Variants in CCDC148 observed in about 807,000 individuals in gnomAD.
CCDC148 encodes coiled-coil domain-containing protein 148.
In CCDC148, 89 loss-of-function variants were observed where a neutral mutation model predicts 85.7. The ratio of observed to expected loss-of-function variants is 1.04; its 90% confidence interval spans 0.87 to 1.24. The LOEUF is 1.24. Ranked by LOEUF, CCDC148 falls within the 50% of genes most tolerant of loss-of-function variation. The probability of loss-of-function intolerance (pLI) is 0.00; values close to 1 mark genes in which losing one functional copy is unlikely to be tolerated. For synonymous variants in CCDC148, 230 were observed against 213.9 expected (o/e 1.08, Z -0.66); for missense variants, 692 against 671.7 (o/e 1.03, Z -0.33).
intron 1 of CCDC148, among the ~76,000 whole-genome samples, chr2:158,422,903 A>G (rs989835749): frequency 1.3e-5 from 2 of 151,916 alleles, no homozygotes; most frequent in Non-Finnish European, 2.9e-5. Flanking sequence ...ATACAAAATC[A>G]ATGTGCAAAA....
At chr2:158,191,030 T>C (rs940515149) in intron 11 of CCDC148, among the ~76,000 whole-genome samples, 3 of 152,042 alleles carry the variant, frequency 2.0e-5, no homozygotes, top group African/African-American at 7.2e-5. Context: ...CTATCTATTT[T>C]TAACTTCGGC....
intron 3 of CCDC148, 88 bp from the exon 4 acceptor site, chr2:158,340,768 T>C: frequency 1.3e-6 from 1 of 765,784 alleles, no homozygotes; most frequent in South Asian, 1.9e-5. Flanking sequence ...TTTAGTCTAA[T>C]ATGGCTTTGT....
At chr2:158,249,266 C>T (rs1029101055) in intron 10 of CCDC148, among the ~76,000 whole-genome samples, 1 of 152,140 alleles carries the variant, frequency 6.6e-6, no homozygotes. Context: ...TTTTTGTGGT[C>T]ACGCTAATTC....
chr2:158,400,974 A>G (rs1277551958), intron 1 of CCDC148, among the ~76,000 whole-genome samples: 1 of 152,238 alleles, frequency 6.6e-6, no homozygotes, highest in East Asian at 1.9e-4. Context: ...TGGTCATCAC[A>G]GAAATGCAAA....
chr2:158,300,511 T>C (rs1388790821), intron 9 of CCDC148, among the ~76,000 whole-genome samples: 1 of 152,238 alleles, frequency 6.6e-6, no homozygotes, highest in Non-Finnish European at 1.5e-5. Context: ...CAACAAAGTT[T>C]TCCTGTATCA....
intron 1 of CCDC148, among the ~76,000 whole-genome samples, chr2:158,449,114 C>T (rs574927455): frequency 9.2e-5 from 14 of 152,204 alleles, no homozygotes; most frequent in Non-Finnish European, 1.8e-4. Flanking sequence ...GCATGAGCCA[C>T]CGTGCCCGAC....
At chr2:158,312,533 G>A (rs1324854517) in intron 8 of CCDC148, among the ~76,000 whole-genome samples, 1 of 127,852 alleles carries the variant, frequency 7.8e-6, no homozygotes, top group Non-Finnish European at 1.5e-5. Flanking sequence ...AGTGAGCCAA[G>A]ATCGCACCAC....
chr2:158,434,269 A>T (rs1183328345), intron 1 of CCDC148, among the ~76,000 whole-genome samples: 6 of 152,134 alleles, frequency 3.9e-5, no homozygotes, highest in African/African-American at 1.4e-4. Flanking sequence ...TCTGAGACGA[A>T]GTGTCCAGAA....
intron 1 of CCDC148, among the ~76,000 whole-genome samples, chr2:158,404,379 A>G (rs1024980347): frequency 6.6e-5 from 10 of 152,036 alleles, no homozygotes; most frequent in Admixed American, 3.9e-4. Context: ...GAGGATGCCT[A>G]GACACCCTGA....
chr2:158,180,749 G>T (rs1275046780), intron 11 of CCDC148, among the ~76,000 whole-genome samples: 1 of 152,114 alleles, frequency 6.6e-6, no homozygotes, highest in East Asian at 1.9e-4. Flanking sequence ...CCAGAAACAG[G>T]TTGCTCATGA....
At chr2:158,314,026 C>T (rs1574605987) in intron 7 of CCDC148, 132 bp from the exon 8 acceptor site, 2 of 768,864 alleles carry the variant, frequency 2.6e-6, no homozygotes, top group South Asian at 5.1e-5. Context: ...AATACATTAG[C>T]CAAATTTAAT....
intron 8 of CCDC148, 60 bp from the exon 9 acceptor site, chr2:158,309,699 C>A: frequency 8.7e-7 from 1 of 1,150,776 alleles, no homozygotes; most frequent in South Asian, 1.5e-5. Flanking sequence ...CATTTTGCAT[C>A]ATTGTTACAA....
At chr2:158,370,783 A>T (rs1684404317) in intron 1 of CCDC148, among the ~76,000 whole-genome samples, 1 of 151,948 alleles carries the variant, frequency 6.6e-6, no homozygotes, top group Non-Finnish European at 1.5e-5. Context: ...TAATGGGAAA[A>T]ATCTCACTCA....
chr2:158,412,012 G>A (rs568903523), intron 1 of CCDC148, among the ~76,000 whole-genome samples: 4 of 152,276 alleles, frequency 2.6e-5, no homozygotes, highest in Non-Finnish European at 1.5e-5. Flanking sequence ...TTCTGGCTTG[G>A]GGTGATGCAG....
chr2:158,354,017 C>A (rs1683478811), intron 2 of CCDC148, among the ~76,000 whole-genome samples: 1 of 152,132 alleles, frequency 6.6e-6, no homozygotes, highest in Non-Finnish European at 1.5e-5. Context: ...TAAAGATGTT[C>A]TTTGAAACCA....
chr2:158,322,035 A>G (rs1373386566), intron 7 of CCDC148, among the ~76,000 whole-genome samples: 1 of 152,186 alleles, frequency 6.6e-6, no homozygotes, highest in Non-Finnish European at 1.5e-5. Context: ...ACCAAATAAT[A>G]TAAAGTCTAC....
At chr2:158,318,775 T>C (rs961355096) in intron 7 of CCDC148, among the ~76,000 whole-genome samples, 4 of 151,008 alleles carry the variant, frequency 2.6e-5, no homozygotes, top group African/African-American at 9.8e-5. Flanking sequence ...AGCCTTTTAC[T>C]GTTTTTTTTT....
At chr2:158,425,436 T>C (rs1246768722) in intron 1 of CCDC148, 1 of 322,612 alleles carries the variant, frequency 3.1e-6, no homozygotes, top group Non-Finnish European at 6.1e-6. Flanking sequence ...AAGACACAAT[T>C]GTGTCTAACT....
At chr2:158,202,699 G>A (rs1225856722) in intron 11 of CCDC148, among the ~76,000 whole-genome samples, 3 of 152,110 alleles carry the variant, frequency 2.0e-5, no homozygotes, top group Non-Finnish European at 4.4e-5. Context: ...CTTTACTTAT[G>A]GACACAGAAA....
Sources: gnomAD v4.1 joint callset for allele counts (sites outside exome capture counted in the v4.1 genomes callset) on GRCh38, gnomAD v4.1.1 for gene constraint, MANE v1.5 for transcripts, NCBI Gene and HGNC (gene_info 2026-07-23, HGNC 2026-07-21) for gene names.